EPHA3: variants seen among roughly 807,000 people sequenced by gnomAD.
EPHA3 encodes the protein ephrin type-A receptor 3.
In EPHA3, 42 loss-of-function variants were observed where a neutral mutation model predicts 107.1. That is an observed-to-expected ratio of 0.39 (90% confidence interval 0.31 to 0.51). The LOEUF is 0.51. EPHA3 is among the 20% of genes least tolerant of loss of function. The pLI is 0.78. For synonymous variants in EPHA3, 461 were observed against 424.8 expected (o/e 1.09, Z -1.05); for missense variants, 1,183 against 1,211.2 (o/e 0.98, Z 0.35).
chr3:89,166,865 C>G (rs753445444), intron 2 of EPHA3, among the ~76,000 whole-genome samples: 2 of 152,056 alleles, frequency 1.3e-5, no homozygotes, highest in Non-Finnish European at 2.9e-5. Context: ...ACAAACAGCA[C>G]AAAAACACAA....
intron 3 of EPHA3, among the ~76,000 whole-genome samples, chr3:89,222,215 T>G (rs1263684139): frequency 6.6e-6 from 1 of 151,780 alleles, no homozygotes; most frequent in African/African-American, 2.4e-5. Flanking sequence ...CACAATATGC[T>G]TCATTATTAG....
intron 3 of EPHA3, among the ~76,000 whole-genome samples, chr3:89,317,584 C>A (rs1706938735): frequency 6.6e-6 from 1 of 151,864 alleles, no homozygotes; most frequent in African/African-American, 2.4e-5. Context: ...AAAAGTTAGA[C>A]CTATGATATA....
At chr3:89,422,305 A>G (rs180886524) in intron 11 of EPHA3, among the ~76,000 whole-genome samples, 34 of 151,072 alleles carry the variant, frequency 2.3e-4, no homozygotes, top group Admixed American at 6.0e-4. Flanking sequence ...AGATTTCTAA[A>G]ACAATCCACC....
intron 2 of EPHA3, among the ~76,000 whole-genome samples, chr3:89,181,815 C>A (rs1705449745): frequency 6.6e-6 from 1 of 151,930 alleles, no homozygotes. Flanking sequence ...AGAAAGCTGG[C>A]CTGTCAGGCA....
intron 13 of EPHA3, 56 bp downstream of exon 13, chr3:89,431,415 T>C: frequency 2.0e-6 from 3 of 1,473,792 alleles, no homozygotes; most frequent in Non-Finnish European, 2.8e-6. Flanking sequence ...TGTATCATGT[T>C]GATTTGTAAA....
At chr3:89,366,380 A>G (rs76836558) in intron 5 of EPHA3, among the ~76,000 whole-genome samples, 2,273 of 150,858 alleles carry the variant, frequency 0.015, 60 homozygotes, top group African/African-American at 0.052. Flanking sequence ...GGATGATAAT[A>G]CCATTGATCA....
At chr3:89,412,069 G>A (rs1272391519) in intron 9 of EPHA3, among the ~76,000 whole-genome samples, 1 of 151,756 alleles carries the variant, frequency 6.6e-6, no homozygotes, top group Non-Finnish European at 1.5e-5. Flanking sequence ...ATATACCATA[G>A]GAGTTACATT....
intron 3 of EPHA3, among the ~76,000 whole-genome samples, chr3:89,211,807 T>C (rs948346850): frequency 9.0e-6 from 1 of 110,694 alleles, no homozygotes; most frequent in Non-Finnish European, 1.8e-5. Context: ...CTTCTTCTTC[T>C]TCTTCTTCTT....
chr3:89,319,789 T>A (rs1707000490), intron 3 of EPHA3, among the ~76,000 whole-genome samples: 1 of 152,016 alleles, frequency 6.6e-6, no homozygotes, highest in Non-Finnish European at 1.5e-5. Context: ...ATTATGTGAA[T>A]TCCCTATAAT....
Position 89,234,671 on chromosome 3 carries a change from T to TTCCTTTCC in EPHA3, c.814+24169_814+24176dup, listed in dbSNP as rs201528961. The stretch of plus-strand genomic sequence containing the variant: ...TGGAGGGGATTTATTTCTTCCTTTC[T>TTCCTTTCC]TCCTTTCCTCCTTTCCTCCTTTCCT... On this transcript the variant is annotated intron_variant, in intron 3 of 16. Coordinates refer to ENST00000336596, the MANE Select transcript of EPHA3 (RefSeq NM_005233.6). 2.2e-4 allele frequency among the ~76,000 whole-genome samples: 34 copies of TTCCTTTCC among 152,024 alleles called. No homozygotes were observed. In the East Asian group the frequency reaches 5.8e-3, roughly 26 times the overall value.
At chr3:89,335,153 G>T (rs993696731) in intron 3 of EPHA3, among the ~76,000 whole-genome samples, 4 of 152,098 alleles carry the variant, frequency 2.6e-5, no homozygotes, top group African/African-American at 9.7e-5. Context: ...CCATAAGCTG[G>T]TTAGTTTATA....
chr3:89,168,375 A>AT (rs1481508995), intron 2 of EPHA3, among the ~76,000 whole-genome samples: 1 of 152,022 alleles, frequency 6.6e-6, no homozygotes, highest in East Asian at 1.9e-4. Context: ...AGTTTATGTT[A>AT]TTTTTTGTGA....
intron 2 of EPHA3, among the ~76,000 whole-genome samples, chr3:89,167,470 C>T (rs970218503): frequency 6.6e-5 from 10 of 151,798 alleles, no homozygotes; most frequent in South Asian, 6.2e-4. Context: ...TTTCTCTCCC[C>T]TATGTGGGGA....
At chr3:89,314,846 G>A (rs1043555091) in intron 3 of EPHA3, among the ~76,000 whole-genome samples, 22 of 152,038 alleles carry the variant, frequency 1.4e-4, no homozygotes, top group Admixed American at 6.6e-4. Context: ...AACAACGGGA[G>A]TACATTCTAA....
Position 89,189,371 on chromosome 3 carries a change from G to T in EPHA3, c.154-20489G>T, listed in dbSNP as rs560931921. Among the ~76,000 whole-genome samples, 5 of 151,974 alleles carry T rather than the reference G, an allele frequency of 3.3e-5. 1 individual carries two copies. Among genetic ancestry groups the T allele is most frequent in the African/African-American group, 9.7e-5 (4 of 41,446 alleles). On this transcript the variant is annotated intron_variant, in intron 2 of 16. Coordinates refer to ENST00000336596, the MANE Select transcript of EPHA3 (RefSeq NM_005233.6). ...GCACTTTGGGAGGCCAAGGCAGGGG[G>T]ATCACGAGGTCAAGAGATTGAGACC...
intron 15 of EPHA3, among the ~76,000 whole-genome samples, chr3:89,460,365 A>T (rs1469042750): frequency 8.6e-6 from 1 of 116,658 alleles, no homozygotes; most frequent in African/African-American, 3.3e-5. Flanking sequence ...CATGACACAG[A>T]CTTAAGCAAT....
At chr3:89,242,407 C>A (rs942797864) in intron 3 of EPHA3, among the ~76,000 whole-genome samples, 2 of 152,072 alleles carry the variant, frequency 1.3e-5, no homozygotes, top group Non-Finnish European at 2.9e-5. Flanking sequence ...TTAGTATTTT[C>A]TTTTTTGTTG....
At position 89,391,535 on chromosome 3, in the gene EPHA3, C is replaced by T. The variant is rs550470051; in HGVS notation, c.1307-4302C>T. ...CTCTGCCTCCCAGGTTCACGCCATT[C>T]TCCTGCCTCAGCCTCCCGAATAGCT... On this transcript the variant is annotated intron_variant, in intron 5 of 16. Coordinates refer to ENST00000336596, the MANE Select transcript of EPHA3 (RefSeq NM_005233.6). 3.4e-4 allele frequency among the ~76,000 whole-genome samples: 51 copies of T among 149,928 alleles called. 1 individual carries two copies. The highest frequency in any genetic ancestry group is 1.2e-3 in the African/African-American group (50 of 40,734).
chr3:89,422,232 CAG>C (rs1709365661), intron 11 of EPHA3, among the ~76,000 whole-genome samples: 1 of 132,276 alleles, frequency 7.6e-6, no homozygotes, highest in Non-Finnish European at 1.7e-5. Context: ...CACACACACA[CAG>C]AGCGATTGTG....
Sources: allele counts gnomAD v4.1 joint callset (sites outside exome capture counted in the v4.1 genomes callset), GRCh38; gene constraint gnomAD v4.1.1; transcripts MANE v1.5; gene names NCBI Gene and HGNC (gene_info 2026-07-23, HGNC 2026-07-21).